Variants in SLC24A3 observed in about 807,000 individuals in gnomAD.
The protein encoded by SLC24A3 is solute carrier family 24 member 3, also known as sodium/potassium/calcium exchanger 3.
SLC24A3 carries 28 observed loss-of-function variants against 75.8 expected under a neutral mutation model. That is an observed-to-expected ratio of 0.37 (90% confidence interval 0.27 to 0.51). The LOEUF (loss-of-function observed/expected upper bound fraction) is 0.51, where lower values mean the gene tolerates loss of function less well. Among genes scored for constraint, SLC24A3 ranks in the 20% least tolerant of loss-of-function variants. The pLI is 0.94. For synonymous variants in SLC24A3, 372 were observed against 334.1 expected (o/e 1.11, Z -1.24); for missense variants, 663 against 847.8 (o/e 0.78, Z 2.71).
chr20:19,513,840 G>A (rs2029932534), intron 2 of SLC24A3, among the ~76,000 whole-genome samples: 1 of 151,736 alleles, frequency 6.6e-6, no homozygotes, highest in Admixed American at 6.6e-5. Context: ...ATTGTGAAAT[G>A]TTAACCACAT....
Position 19,722,691 on chromosome 20 carries a change from G to A in SLC24A3, c.*1551G>A, listed in dbSNP as rs8994. 0.054 allele frequency: 8,255 copies of A among 152,666 alleles called. 277 individuals are homozygous for A. Among genetic ancestry groups the A allele is most frequent in the Middle Eastern group, 0.11 (32 of 294 alleles). 9.5% of individuals were successfully genotyped at this position (152,666 alleles called of 1,614,324 possible). On this transcript the variant is annotated 3_prime_UTR_variant, in exon 17 of 17. Transcript: ENST00000328041. ...TGGTATGAATTTGTAAAAATAACCT[G>A]CTACAAATTGGTTGAATGTTTCTGT...
intron 2 of SLC24A3, among the ~76,000 whole-genome samples, chr20:19,496,164 T>C (rs1988284071): frequency 2.0e-5 from 3 of 152,188 alleles, no homozygotes; most frequent in Admixed American, 6.5e-5. Flanking sequence ...CTGTGGCTTC[T>C]GCACTTCTGG....
chr20:19,386,016 G>A (rs1384023877), intron 2 of SLC24A3, among the ~76,000 whole-genome samples: 1 of 152,130 alleles, frequency 6.6e-6, no homozygotes, highest in Admixed American at 6.6e-5. Context: ...GGCTAGCATG[G>A]ACATTTTAAC....
chr20:19,467,233 G>A (rs899908309), intron 2 of SLC24A3, among the ~76,000 whole-genome samples: 3 of 152,320 alleles, frequency 2.0e-5, no homozygotes, highest in Admixed American at 1.3e-4. Context: ...AGAGATAGAA[G>A]AGAGCAGATG....
rs1555783958 is a variant in SLC24A3 at position 19,252,650 on chromosome 20, G to GGGGGGC, written c.143-28307_143-28306insGGGCGG. ...AGCCTGAAATTGGAATGGCGGGGGG[G>GGGGGGC]GGTGCCTGTTCCAGAAACTCCTTGC... On this transcript the variant is annotated intron_variant, in intron 1 of 16. Coordinates refer to ENST00000328041, the MANE Select transcript of SLC24A3 (RefSeq NM_020689.4). 3.4e-5 allele frequency among the ~76,000 whole-genome samples: 5 copies of GGGGGGC among 148,136 alleles called. No individual in the cohort carries two copies. The South Asian group carries it at 1.1e-3, about 32-fold the overall frequency.
chr20:19,595,017 CTGAGCAGAAGGA>C (rs2031433603), intron 6 of SLC24A3, among the ~76,000 whole-genome samples: 1 of 152,146 alleles, frequency 6.6e-6, no homozygotes, highest in Admixed American at 6.5e-5. Flanking sequence ...GAGTCACTCT[CTGAGCAGAAGGA>C]ATGTGCCATC....
At chr20:19,631,307 G>A (rs531182361) in intron 6 of SLC24A3, among the ~76,000 whole-genome samples, 48 of 152,294 alleles carry the variant, frequency 3.2e-4, no homozygotes, top group African/African-American at 1.1e-3. Context: ...AGATCACACC[G>A]CTGTGCTCCA....
Position 19,279,933 on chromosome 20 carries a change from C to T in SLC24A3, c.143-1026C>T, listed in dbSNP as rs1177678854. Among the ~76,000 whole-genome samples, 22 of 152,208 alleles carry T rather than the reference C, an allele frequency of 1.4e-4. No individual in the cohort carries two copies. In the East Asian group the frequency reaches 2.5e-3, roughly 17 times the overall value. On this transcript the variant is annotated intron_variant, in intron 1 of 16. Transcript: ENST00000328041. The stretch of plus-strand genomic sequence containing the variant: ...GCACCACGGCATCTGCCTATCTACA[C>T]GGTACCTAAAGAGAGAGTCATGCTG...
At chr20:19,466,750 C>T (rs1418873352) in intron 2 of SLC24A3, among the ~76,000 whole-genome samples, 6 of 152,092 alleles carry the variant, frequency 3.9e-5, no homozygotes, top group African/African-American at 4.8e-5. Context: ...CTGCCAAGAC[C>T]GGTGTCTATT....
intron 6 of SLC24A3, among the ~76,000 whole-genome samples, chr20:19,602,616 T>C (rs1179742544): frequency 6.6e-6 from 1 of 152,184 alleles, no homozygotes; most frequent in Non-Finnish European, 1.5e-5. Context: ...TGTATACTAT[T>C]ATATATTTAC....
intron 3 of SLC24A3, among the ~76,000 whole-genome samples, chr20:19,566,989 A>C (rs2030968988): frequency 6.6e-6 from 1 of 152,248 alleles, no homozygotes; most frequent in Non-Finnish European, 1.5e-5. Context: ...AATGGCTATT[A>C]TTAAAAAGTC....
At chr20:19,306,916 T>C (rs1984347258) in intron 2 of SLC24A3, among the ~76,000 whole-genome samples, 1 of 152,150 alleles carries the variant, frequency 6.6e-6, no homozygotes, top group Non-Finnish European at 1.5e-5. Context: ...CACGTGACAC[T>C]GCATAGCTTT....
At chr20:19,364,271 GCC>G (rs1048463487) in intron 2 of SLC24A3, among the ~76,000 whole-genome samples, 1 of 152,004 alleles carries the variant, frequency 6.6e-6, no homozygotes, top group African/African-American at 2.4e-5. Flanking sequence ...TCAGCCAGCC[GCC>G]CCCCTCCCCT....
At chr20:19,336,848 C>G (rs978438949) in intron 2 of SLC24A3, among the ~76,000 whole-genome samples, 1 of 152,072 alleles carries the variant, frequency 6.6e-6, no homozygotes, top group Non-Finnish European at 1.5e-5. Flanking sequence ...TTACTACTTA[C>G]AAAACTTCCT....
At chr20:19,243,168 T>A (rs1169104262) in intron 1 of SLC24A3, among the ~76,000 whole-genome samples, 4 of 152,206 alleles carry the variant, frequency 2.6e-5, no homozygotes, top group African/African-American at 9.7e-5. Context: ...CCAGGTGATT[T>A]CCTGAGACAT....
intron 1 of SLC24A3, chr20:19,261,826 C>G (rs1273186837): frequency 6.6e-6 from 1 of 152,208 alleles, no homozygotes; most frequent in Non-Finnish European, 1.5e-5. Context: ...ATGCTTATAT[C>G]TTCTTAACAA....
chr20:19,293,963 C>T (rs1260766722), intron 2 of SLC24A3, among the ~76,000 whole-genome samples: 1 of 152,112 alleles, frequency 6.6e-6, no homozygotes, highest in Non-Finnish European at 1.5e-5. Context: ...GTCCTCAAGT[C>T]CCTGATATAA....
intron 3 of SLC24A3, among the ~76,000 whole-genome samples, chr20:19,571,928 C>T (rs1361633682): frequency 2.0e-5 from 3 of 152,154 alleles, no homozygotes; most frequent in Non-Finnish European, 4.4e-5. Context: ...TGTGGGCTCT[C>T]TCAGAAGCAG....
At chr20:19,307,541 G>A (rs111825777) in intron 2 of SLC24A3, among the ~76,000 whole-genome samples, 8,147 of 152,192 alleles carry the variant, frequency 0.054, 719 homozygotes, top group African/African-American at 0.18. Flanking sequence ...TCATAAGTGG[G>A]AGTTGAACAA....
Sources: gnomAD v4.1 joint callset for allele counts (sites outside exome capture counted in the v4.1 genomes callset) on GRCh38, gnomAD v4.1.1 for gene constraint, MANE v1.5 for transcripts, NCBI Gene and HGNC (gene_info 2026-07-23, HGNC 2026-07-21) for gene names.